Variants in DCP1B observed in about 807,000 individuals in gnomAD.
DCP1B encodes mRNA-decapping enzyme 1B.
In DCP1B, 47 loss-of-function variants were observed where a neutral mutation model predicts 60.5. That is an observed-to-expected ratio of 0.78 (90% CI 0.61 to 0.99). The LOEUF is 0.99. Ranked by LOEUF, DCP1B falls within the 50% of genes least tolerant of loss-of-function variation. The probability of loss-of-function intolerance (pLI) is 0.00; values close to 1 mark genes in which losing one functional copy is unlikely to be tolerated. For synonymous variants in DCP1B, 267 were observed against 280.3 expected, an observed-to-expected ratio of 0.95 and a Z score of 0.47; for missense variants, 725 against 756.8, an observed-to-expected ratio of 0.96 and a Z score of 0.49.
intron 3 of DCP1B, among the ~76,000 whole-genome samples, chr12:1,973,320 C>T (rs2033145491): frequency 6.6e-6 from 1 of 152,130 alleles, no homozygotes; most frequent in Admixed American, 6.5e-5. Flanking sequence ...GTGACTAATA[C>T]TCATGAACAT....
intron 5 of DCP1B, among the ~76,000 whole-genome samples, chr12:1,956,342 T>G (rs2030884080): frequency 6.6e-6 from 1 of 152,200 alleles, no homozygotes; most frequent in Non-Finnish European, 1.5e-5. Flanking sequence ...TACTACAGAC[T>G]CTCTGAAGCA....
intron 7 of DCP1B, among the ~76,000 whole-genome samples, chr12:1,951,735 C>A (rs2030676480): frequency 6.6e-6 from 1 of 152,172 alleles, no homozygotes; most frequent in South Asian, 2.1e-4. Flanking sequence ...CTGTTTTCTT[C>A]ATCATTATGT....
chr12:1,955,694 C>T, intron 5 of DCP1B, 134 bp from the exon 6 acceptor site: 1 of 1,055,906 alleles, frequency 9.5e-7, no homozygotes, highest in Non-Finnish European at 1.3e-6. Context: ...AAAGGAAAAT[C>T]CCTTAAATTT....
At chr12:2,002,058 C>T (rs2042306538) in intron 1 of DCP1B, among the ~76,000 whole-genome samples, 1 of 152,172 alleles carries the variant, frequency 6.6e-6, no homozygotes, top group African/African-American at 2.4e-5. Context: ...TCTAAAATTC[C>T]TATTCCAGTC....
intron 5 of DCP1B, chr12:1,961,543 T>C (rs888697236): frequency 6.6e-6 from 1 of 152,246 alleles, no homozygotes; most frequent in African/African-American, 2.4e-5. Context: ...GTCAACATTA[T>C]AACAAATCTG....
Position 1,952,753 on chromosome 12 carries a change from G to A in DCP1B, c.1187C>T (p.Pro396Leu). 1 of 1,614,188 alleles carries A rather than the reference G, an allele frequency of 6.2e-7. No individual in the cohort carries two copies. Among genetic ancestry groups the A allele is most frequent in the African/African-American group, 1.3e-5 (1 of 75,040 alleles). ...RAPTSVTPVA[P>L]GKGLAQPPQA... is the part of the protein sequence containing the mutation. ...TGGTGGCTGAGCCAGACCCTTTCCT[G>A]GAGCCACAGGGGTGACAGAAGTGGG... Residue 396 changes from proline (P) to leucine (L), a missense_variant, in exon 7 of 9, where the codon CCA becomes CTA. Transcript: ENST00000280665.
chr12:1,946,197 G>A lies in DCP1B; in HGVS notation c.*9C>T. 1 of 1,580,866 alleles carries A rather than the reference G, an allele frequency of 6.3e-7. No individual in the cohort carries two copies. The highest frequency in any genetic ancestry group is 1.7e-4 in the Middle Eastern group (1 of 5,954). ...GGACCTTGAAAATCAGTTTTAAAAG[G>A]CCTTGCTGTCACATAGTCTTTTTCA... On this transcript the variant is annotated 3_prime_UTR_variant, in exon 9 of 9. Transcript: ENST00000280665.
chr12:1,952,995 AG>A lies in DCP1B; in HGVS notation c.944del (p.Pro315LeufsTer68). On this transcript the variant is annotated frameshift_variant, in exon 7 of 9. Transcript: ENST00000280665. LOFTEE classifies it high-confidence loss of function. ...CAGAATGGGTACTGCCATTTTCACA[AG>A]GCCGGTTTTCAGGCAGCTCTGACAA... Reference protein sequence around the residue: ...HPLSELPENRPCENGSTHSAG... With the variant: ...HPLSELPENRXCENGSTHSAG... The A allele has an allele frequency of 6.2e-7, 1 of 1,614,124 alleles. No individual in the cohort carries two copies. The highest frequency in any genetic ancestry group is 8.5e-7 in the Non-Finnish European group (1 of 1,179,982).
chr12:2,004,219 G>A, intron 1 of DCP1B, 63 bp downstream of exon 1: 4 of 1,595,240 alleles, frequency 2.5e-6, no homozygotes, highest in Non-Finnish European at 3.4e-6. Context: ...CAAGTCCTGA[G>A]TCTGACGCCC....
downstream of DCP1B, among the ~76,000 whole-genome samples, chr12:1,943,300 AATTAAT>A (rs1377238156): frequency 3.3e-5 from 5 of 152,192 alleles, 1 homozygote; most frequent in Admixed American, 3.3e-4. Flanking sequence ...TTGAGGCAGT[AATTAAT>A]AGCCTATCAA....
downstream of DCP1B, among the ~76,000 whole-genome samples, chr12:1,944,955 G>A (rs2030371497): frequency 6.6e-6 from 1 of 152,118 alleles, no homozygotes; most frequent in Admixed American, 6.5e-5. Context: ...AAACTAAAGA[G>A]TTTCTGCACA....
rs1428755547 is a variant in DCP1B at position 1,948,117 on chromosome 12, A to G, written c.1773+969T>C. ...AAGTTTTCTTAAAGATTATCTACCA[A>G]AAAGACACCTAAATATGTTAACTGG... On this transcript the variant is annotated intron_variant, in intron 8 of 8. Transcript: ENST00000280665. The surrounding 1 kb of genome is among the most constrained non-coding windows in gnomAD (Gnocchi z 4.8). 6.6e-6 allele frequency among the ~76,000 whole-genome samples: 1 copy of G among 152,244 alleles called. No individual in the cohort carries two copies.
chr12:1,967,323 A>C (rs1238956106), intron 4 of DCP1B, among the ~76,000 whole-genome samples: 2 of 152,258 alleles, frequency 1.3e-5, no homozygotes, highest in Non-Finnish European at 2.9e-5. Flanking sequence ...AGCTAATAGT[A>C]ACTCAGCAAT....
At chr12:2,004,132 T>C in intron 1 of DCP1B, 150 bp downstream of exon 1, 1 of 977,028 alleles carries the variant, frequency 1.0e-6, no homozygotes, top group Non-Finnish European at 1.5e-6. Flanking sequence ...CGAGACCCCA[T>C]CTCCACAACT....
intron 3 of DCP1B, 72 bp from the exon 4 acceptor site, chr12:1,967,982 A>G (rs1253248207): frequency 3.4e-6 from 4 of 1,179,724 alleles, no homozygotes; most frequent in Non-Finnish European, 4.9e-6. Flanking sequence ...TCTCCTTTCC[A>G]TCTTAAATAC....
At chr12:1,976,371 CTTCT>C (rs2034363180) in intron 3 of DCP1B, among the ~76,000 whole-genome samples, 1 of 152,154 alleles carries the variant, frequency 6.6e-6, no homozygotes, top group Admixed American at 6.5e-5. Context: ...TTTGGTGGCT[CTTCT>C]TTCTTTCTCA....
chr12:2,002,712 C>A (rs1307501005), intron 1 of DCP1B, among the ~76,000 whole-genome samples: 1 of 152,172 alleles, frequency 6.6e-6, no homozygotes, highest in Non-Finnish European at 1.5e-5. Flanking sequence ...AACTATACAT[C>A]CCTGGTCCTC....
intron 1 of DCP1B, among the ~76,000 whole-genome samples, chr12:2,001,037 CAAAA>C (rs55946150): frequency 2.4e-5 from 3 of 124,364 alleles, no homozygotes; most frequent in African/African-American, 2.9e-5. Flanking sequence ...GACTTCGTCT[CAAAA>C]AAAAAAAAAA....
At chr12:1,968,055 G>C in intron 3 of DCP1B, 145 bp from the exon 4 acceptor site, 1 of 716,896 alleles carries the variant, frequency 1.4e-6, no homozygotes, top group Non-Finnish European at 2.2e-6. Context: ...AGCAATCATT[G>C]GGGTTAAAGC....
Sources: gnomAD v4.1 joint callset for allele counts (sites outside exome capture counted in the v4.1 genomes callset) on GRCh38, gnomAD v4.1.1 for gene constraint, Gnocchi (gnomAD v3.1) non-coding constraint, MANE v1.5 for transcripts, NCBI Gene and HGNC (gene_info 2026-07-23, HGNC 2026-07-21) for gene names.